Variants in LRP1B observed in about 807,000 individuals in gnomAD.
The protein encoded by LRP1B is LDL receptor related protein 1B.
In LRP1B, 217 loss-of-function variants were observed where a neutral mutation model predicts 556.6. The ratio of observed to expected loss-of-function variants is 0.39; its 90% confidence interval spans 0.35 to 0.44. LRP1B has a LOEUF of 0.44. Among genes scored for constraint, LRP1B ranks in the 20% least tolerant of loss-of-function variants. The pLI is 1.00. For synonymous variants in LRP1B, 2,047 were observed against 1,865.8 expected (o/e 1.10, Z -2.50); for missense variants, 5,053 against 5,620.8 (o/e 0.90, Z 3.23).
chr2:141,413,576 T>C (rs187965506), intron 3 of LRP1B, among the ~76,000 whole-genome samples: 35 of 152,320 alleles, frequency 2.3e-4, no homozygotes, highest in Non-Finnish European at 5.0e-4. Context: ...TGTATTGTTC[T>C]AAACCATTAA....
At chr2:141,772,904 C>A (rs1694947912) in intron 2 of LRP1B, among the ~76,000 whole-genome samples, 1 of 152,220 alleles carries the variant, frequency 6.6e-6, no homozygotes. Flanking sequence ...ACTAGCTTGA[C>A]TTAAGGGAGC....
intron 2 of LRP1B, among the ~76,000 whole-genome samples, chr2:141,626,546 C>T (rs868313495): frequency 4.6e-5 from 7 of 152,090 alleles, no homozygotes; most frequent in Admixed American, 6.5e-5. Context: ...AAAACATTTA[C>T]GAAAGACATA....
intron 6 of LRP1B, among the ~76,000 whole-genome samples, chr2:141,201,188 G>A (rs987759664): frequency 5.3e-5 from 8 of 152,154 alleles, no homozygotes; most frequent in African/African-American, 1.7e-4. Flanking sequence ...ATAACACGGT[G>A]CGAAATAATA....
chr2:140,776,059 G>A (rs775791870), intron 33 of LRP1B, 39 bp downstream of exon 33: 5 of 1,460,168 alleles, frequency 3.4e-6, no homozygotes, highest in African/African-American at 3.0e-5. Flanking sequence ...AGCACATTAC[G>A]TATTCAAGAC....
At chr2:141,146,650 GT>G (rs1297938835) in intron 7 of LRP1B, among the ~76,000 whole-genome samples, 1 of 152,110 alleles carries the variant, frequency 6.6e-6, no homozygotes, top group African/African-American at 2.4e-5. Context: ...CACATATATG[GT>G]TGTCTATACA....
Position 140,364,774 on chromosome 2 carries a change from A to T in LRP1B, c.11018T>A (p.Ile3673Lys), listed in dbSNP as rs193278497. 17 of 1,609,056 alleles carry T rather than the reference A, an allele frequency of 1.1e-5. No homozygotes were observed. In the Admixed American group the frequency reaches 2.8e-4, roughly 27 times the overall value. ...GCAAAGGAACTCATCAGCTCTACAT[A>T]TATTTCCTCCTTTATTTTAAAACAA... is the stretch of plus-strand genomic sequence containing the variant. ...DEENCERGGN[I>K]CRADEFLCNN... is the part of the protein sequence containing the mutation. The change falls in exon 72 of 91, where the codon ATA (isoleucine) becomes AAA (lysine). Residue 3673 changes from isoleucine (I) to lysine (K), a missense_variant. Physicochemically the swap from Ile to Lys is moderately radical, Grantham distance 102. Around this residue, in one of 5 missense-constraint regions of LRP1B, gnomAD observed 599 missense variants for 648.4 expected, o/e 0.92. Coordinates refer to ENST00000389484, the MANE Select transcript of LRP1B (RefSeq NM_018557.3).
intron 3 of LRP1B, among the ~76,000 whole-genome samples, chr2:141,272,461 T>C (rs1046201532): frequency 1.3e-5 from 2 of 152,050 alleles, no homozygotes; most frequent in African/African-American, 2.4e-5. Flanking sequence ...AAACATAAAT[T>C]GGACTCTATC....
intron 25 of LRP1B, among the ~76,000 whole-genome samples, chr2:140,868,976 C>T (rs1316661780): frequency 6.6e-6 from 1 of 152,048 alleles, no homozygotes; most frequent in African/African-American, 2.4e-5. Flanking sequence ...GCCTGAAAAC[C>T]AGGCTACCAG....
Position 140,233,324 on chromosome 2 carries a change from T to C in LRP1B, c.13662A>G (p.Pro4554=), listed in dbSNP as rs772386626. The part of the protein sequence containing the change: ...SDLKGPLTAG[P]TNYSNPVYAK... ...CATATACCGGATTGGAGTAATTTGT[T>C]GGCTGAAGGAGAAAAAAAATAAATA... Residue 4554 remains proline (P), a splice_region_variant and synonymous_variant, in exon 91 of 91, where the codon CCA becomes CCG. Coordinates refer to ENST00000389484, the MANE Select transcript of LRP1B (RefSeq NM_018557.3). 1.3e-6 allele frequency: 2 copies of C among 1,574,416 alleles called. No individual in the cohort carries two copies. The highest frequency in any genetic ancestry group is 1.7e-6 in the Non-Finnish European group (2 of 1,161,972).
Position 140,595,244 on chromosome 2 carries a change from C to T in LRP1B, c.7194+3387G>A, listed in dbSNP as rs79893610. 4.2e-3 allele frequency among the ~76,000 whole-genome samples: 628 copies of T among 151,236 alleles called. 8 individuals are homozygous for T. Among genetic ancestry groups the T allele is most frequent in the African/African-American group, 0.014 (584 of 41,302 alleles). The stretch of plus-strand genomic sequence containing the variant: ...ACAACAATTGACAATGCTTTCATTT[C>T]ATGTAGTAAGTGGAAGTCACTGGTT... On this transcript the variant is annotated intron_variant, in intron 43 of 90. Transcript: ENST00000389484.
chr2:141,100,894 C>T (rs1700444078), intron 7 of LRP1B, among the ~76,000 whole-genome samples: 1 of 152,004 alleles, frequency 6.6e-6, no homozygotes, highest in South Asian at 2.1e-4. Context: ...GAGAACCCCC[C>T]ATCTAAAATC....
intron 3 of LRP1B, among the ~76,000 whole-genome samples, chr2:141,300,060 G>A (rs990482811): frequency 2.6e-5 from 4 of 152,250 alleles, no homozygotes; most frequent in East Asian, 1.9e-4. Context: ...CTCTTTATCC[G>A]TCTTTCTGAC....
chr2:141,890,622 C>G lies in LRP1B; in HGVS notation c.83-80221G>C, dbSNP rs1054442448. Among the ~76,000 whole-genome samples, 5 of 151,844 alleles carry G rather than the reference C, an allele frequency of 3.3e-5. No individual in the cohort carries two copies. The East Asian group carries it at 9.7e-4, about 29-fold the overall frequency. The stretch of plus-strand genomic sequence containing the variant: ...TTCATGAATATACACATAAGAACAC[C>G]AGGGCCCCGACAGTCAATTATTTAT... On this transcript the variant is annotated intron_variant, in intron 1 of 90. Transcript: ENST00000389484.
At chr2:141,948,369 ATGAT>A (rs1701014699) in intron 1 of LRP1B, among the ~76,000 whole-genome samples, 1 of 151,986 alleles carries the variant, frequency 6.6e-6, no homozygotes, top group Admixed American at 6.6e-5. Context: ...ATGAGTATAA[ATGAT>A]TGGCATAATT....
intron 66 of LRP1B, among the ~76,000 whole-genome samples, chr2:140,435,996 C>A (rs1443368866): frequency 6.6e-6 from 1 of 152,052 alleles, no homozygotes. Context: ...CTCTCACACA[C>A]ACACACACCC....
At chr2:140,652,659 T>TCCTTTTCTAA (rs1192285597) in intron 41 of LRP1B, among the ~76,000 whole-genome samples, 6 of 152,036 alleles carry the variant, frequency 3.9e-5, no homozygotes, top group Admixed American at 3.9e-4. Flanking sequence ...AGAAAAAATT[T>TCCTTTTCTAA]AGAATCATGA....
intron 41 of LRP1B, among the ~76,000 whole-genome samples, chr2:140,631,126 C>T (rs1253811163): frequency 6.6e-6 from 1 of 152,196 alleles, no homozygotes; most frequent in East Asian, 1.9e-4. Context: ...GAAATGGAAG[C>T]TGCTGACACC....
At chr2:141,872,607 T>TCA (rs36073064) in intron 1 of LRP1B, among the ~76,000 whole-genome samples, 26,122 of 151,672 alleles carry the variant, frequency 0.17, 2,281 homozygotes, top group South Asian at 0.19. Context: ...TTAAAAACAT[T>TCA]CAGTTTTAAG....
intron 7 of LRP1B, among the ~76,000 whole-genome samples, chr2:141,149,190 T>G (rs1701859983): frequency 6.6e-6 from 1 of 152,080 alleles, no homozygotes; most frequent in South Asian, 2.1e-4. Flanking sequence ...AAAAGGGTTT[T>G]TTTTGTTTTG....
Sources: gnomAD v4.1 joint callset for allele counts (sites outside exome capture counted in the v4.1 genomes callset) on GRCh38, gnomAD v4.1.1 for gene constraint, gnomAD v4.1.1 regional missense constraint, MANE v1.5 for transcripts, NCBI Gene and HGNC (gene_info 2026-07-23, HGNC 2026-07-21) for gene names.